The following CHD1L variants were observed in gnomAD, a reference collection of about 807,000 sequenced individuals.
The protein encoded by CHD1L is chromodomain helicase DNA binding protein 1 like, also known as ATP-dependent chromatin remodeler CHD1L.
In CHD1L, 118 loss-of-function variants were observed where a neutral mutation model predicts 115.9. The ratio of observed to expected loss-of-function variants is 1.02; its 90% CI spans 0.88 to 1.19. The LOEUF is 1.19. CHD1L is among the 50% of genes most tolerant of loss of function. The pLI, the probability that CHD1L is intolerant of heterozygous loss-of-function variation, is 0.00. For synonymous variants in CHD1L, 411 were observed against 387.1 expected, an observed-to-expected ratio of 1.06 and a Z score of -0.72; for missense variants, 1,179 against 1,065.3, an observed-to-expected ratio of 1.11 and a Z score of -1.49.
At chr1:147,217,165 G>A in the CHD1L span, among the ~76,000 whole-genome samples, 5,550 of 151,956 alleles carry the variant, frequency 0.037, 145 homozygotes, top group South Asian at 0.095. Flanking sequence ...GCTTGAACCC[G>A]GGAGGCGGAG....
chr1:147,288,845 A>G (rs1443067139), intron 19 of CHD1L, among the ~76,000 whole-genome samples: 1 of 152,172 alleles, frequency 6.6e-6, no homozygotes, highest in African/African-American at 2.4e-5. Context: ...GGAACTTAGA[A>G]GCCTGAACAA....
intron 10 of CHD1L, 23 bp downstream of exon 10, chr1:147,268,901 C>T (rs1571896318): frequency 6.4e-7 from 1 of 1,564,810 alleles, no homozygotes; most frequent in Non-Finnish European, 8.8e-7. Flanking sequence ...TTCACATTTG[C>T]TGCTCTGAGC....
chr1:147,175,888 G>GT, the CHD1L span: 2 of 145,802 alleles, frequency 1.4e-5, no homozygotes, highest in African/African-American at 2.5e-5. Flanking sequence ...CTCCACTTAT[G>GT]TGACATTCTG....
intron 18 of CHD1L, 25 bp from the exon 19 acceptor site, chr1:147,287,610 G>A: frequency 6.3e-7 from 1 of 1,592,554 alleles, no homozygotes; most frequent in Non-Finnish European, 8.6e-7. Context: ...TCCTATAGAT[G>A]AAAATTTTCT....
the CHD1L span, among the ~76,000 whole-genome samples, chr1:147,191,768 A>G: frequency 1.3e-5 from 2 of 152,004 alleles, no homozygotes; most frequent in South Asian, 4.1e-4. Flanking sequence ...TAAATAGGGA[A>G]TCCTTTCCCC....
intron 19 of CHD1L, among the ~76,000 whole-genome samples, chr1:147,289,694 G>A (rs1553968740): frequency 6.6e-6 from 1 of 152,184 alleles, no homozygotes; most frequent in Non-Finnish European, 1.5e-5. Context: ...GGAGAGAAAT[G>A]GCAAGAGGAT....
At chr1:147,237,359 G>A in the CHD1L span, among the ~76,000 whole-genome samples, 35 of 152,178 alleles carry the variant, frequency 2.3e-4, no homozygotes, top group South Asian at 3.7e-3. Context: ...GCTCCTGCCT[G>A]CTCCAGGAAC....
chr1:147,280,197 T>C lies in CHD1L; in HGVS notation c.1705+6T>C, dbSNP rs782485192. On this transcript the variant is annotated splice_donor_region_variant and intron_variant, in intron 15 of 22. Coordinates refer to ENST00000369258, the MANE Select transcript of CHD1L (RefSeq NM_004284.6). ...CAGAGATCAAGAGGAAGGAAGTAAG[T>C]TGGAGGTTAGAGCAGAGCAAATGGC... The C allele has an allele frequency of 1.3e-6, 2 of 1,582,626 alleles. No homozygotes were observed. The highest frequency in any genetic ancestry group is 1.2e-5 in the South Asian group (1 of 85,164).
chr1:147,273,492 A>G (rs951537217), intron 12 of CHD1L, among the ~76,000 whole-genome samples: 6 of 152,134 alleles, frequency 3.9e-5, no homozygotes, highest in Admixed American at 3.3e-4. Context: ...CATAAGATTC[A>G]TTTGGCCTCA....
At chr1:147,233,046 G>C in the CHD1L span, among the ~76,000 whole-genome samples, 5 of 152,040 alleles carry the variant, frequency 3.3e-5, no homozygotes, top group African/African-American at 1.2e-4. Context: ...TCCCATCTAG[G>C]AAGTGAGGAG....
At chr1:147,219,765 GA>G in the CHD1L span, among the ~76,000 whole-genome samples, 1 of 147,284 alleles carries the variant, frequency 6.8e-6, no homozygotes, top group Admixed American at 6.7e-5. Context: ...AAGAAAAAAA[GA>G]AAAAAACTCC....
chr1:147,231,248 C>T, the CHD1L span, among the ~76,000 whole-genome samples: 1 of 152,110 alleles, frequency 6.6e-6, no homozygotes, highest in African/African-American at 2.4e-5. Context: ...TTATCTCTAC[C>T]TTCATTTCGT....
intron 14 of CHD1L, among the ~76,000 whole-genome samples, chr1:147,277,234 A>G (rs1678856049): frequency 6.6e-6 from 1 of 152,236 alleles, no homozygotes; most frequent in South Asian, 2.1e-4. Context: ...AGACAAAAGG[A>G]AAGAATTTTA....
chr1:147,263,941 A>C (rs942556503), intron 6 of CHD1L, among the ~76,000 whole-genome samples: 1 of 152,132 alleles, frequency 6.6e-6, no homozygotes, highest in African/African-American at 2.4e-5. Context: ...TGCACCATTA[A>C]ATTTTATAAA....
the CHD1L span, among the ~76,000 whole-genome samples, chr1:147,184,019 TTATAGTC>T: frequency 6.6e-6 from 1 of 152,302 alleles, no homozygotes; most frequent in South Asian, 2.1e-4. This position sits in a 1 kb window ranked among gnomAD's most constrained non-coding sequence, Gnocchi z 4.4. Flanking sequence ...TTCTCTATAA[TTATAGTC>T]TATACTTACT....
chr1:147,241,002 T>TC (rs1214093589), upstream of CHD1L, among the ~76,000 whole-genome samples: 1 of 151,290 alleles, frequency 6.6e-6, no homozygotes, highest in African/African-American at 2.4e-5. Context: ...CTCTTTTTTT[T>TC]CTTAAGTCTC....
the CHD1L span, chr1:147,204,329 T>C: frequency 1.0e-6 from 1 of 960,006 alleles, no homozygotes; most frequent in South Asian, 1.3e-5. Context: ...CAAACTCTGA[T>C]GTTATCAACT....
chr1:147,215,975 G>A, the CHD1L span: 5 of 1,511,866 alleles, frequency 3.3e-6, no homozygotes, highest in Admixed American at 1.9e-5. Context: ...ATAGCAACTT[G>A]AGGATCATCT....
At chr1:147,287,588 C>T (rs944962515) in intron 18 of CHD1L, 47 bp from the exon 19 acceptor site, 3 of 1,410,096 alleles carry the variant, frequency 2.1e-6, no homozygotes, top group African/African-American at 2.9e-5. Context: ...AAATTGTGCA[C>T]TGGACTTCAC....
Sources: allele counts gnomAD v4.1 joint callset (sites outside exome capture counted in the v4.1 genomes callset), GRCh38; gene constraint gnomAD v4.1.1; non-coding constraint Gnocchi (gnomAD v3.1); transcripts MANE v1.5; gene names NCBI Gene and HGNC (gene_info 2026-07-23, HGNC 2026-07-21).